SGF29: variants seen among roughly 807,000 people sequenced by gnomAD.
SGF29 encodes the protein SAGA-associated factor 29.
In SGF29, 15 loss-of-function variants were observed where a neutral mutation model predicts 38.1. That is an observed-to-expected ratio of 0.39 (90% CI 0.26 to 0.61). The LOEUF is 0.61. Ranked by LOEUF, SGF29 falls within the 20% of genes least tolerant of loss-of-function variation. SGF29 has a pLI of 0.49. For synonymous variants in SGF29, 151 were observed against 160.8 expected (o/e 0.94, Z 0.46); for missense variants, 184 against 394.6 (o/e 0.47, Z 4.52).
At chr16:28,570,795 C>G (rs2046860603) in intron 1 of SGF29, among the ~76,000 whole-genome samples, 1 of 151,882 alleles carries the variant, frequency 6.6e-6, no homozygotes, top group Non-Finnish European at 1.5e-5. Context: ...CCAGGCTGGT[C>G]TTGAACTCCT....
chr16:28,587,646 CCCAGTT>C (rs1018515489), intron 4 of SGF29, among the ~76,000 whole-genome samples: 1 of 152,224 alleles, frequency 6.6e-6, no homozygotes, highest in Non-Finnish European at 1.5e-5. Context: ...CTGCATCACA[CCCAGTT>C]CCTGTGCATC....
At chr16:28,564,687 GTATATATATGTA>G (rs2046819494) in intron 1 of SGF29, among the ~76,000 whole-genome samples, 2 of 47,090 alleles carry the variant, frequency 4.2e-5, no homozygotes, top group Non-Finnish European at 1.1e-4. Context: ...ATATATATGT[GTATATATATGTA>G]TATATATACA....
intron 1 of SGF29, among the ~76,000 whole-genome samples, chr16:28,554,706 TAG>T (rs2046736762): frequency 1.3e-5 from 2 of 152,136 alleles, no homozygotes; most frequent in South Asian, 4.1e-4. Flanking sequence ...CCAAAGGCCT[TAG>T]TCTACCCTCA....
chr16:28,585,100 A>G (rs1174934301), intron 3 of SGF29, 112 bp downstream of exon 3: 1 of 772,502 alleles, frequency 1.3e-6, no homozygotes, highest in African/African-American at 1.7e-5. Context: ...ATGTATCTGC[A>G]TATTCCAAAA....
rs538300554 is a variant in SGF29, at chr16:28,587,869, G to A, written c.225-1231G>A. Among the ~76,000 whole-genome samples, 4 of 152,134 alleles carry A rather than the reference G, an allele frequency of 2.6e-5. No homozygotes were observed. The South Asian group carries it at 8.3e-4, about 32-fold the overall frequency. On this transcript the variant is annotated intron_variant, in intron 4 of 9. Transcript: ENST00000317058. ...GGCTGGAGTGCAGTGACACAATCTC[G>A]GCTCACTGCAAGCTCTGCCCCCAAG... is the stretch of plus-strand genomic sequence containing the variant.
intron 4 of SGF29, among the ~76,000 whole-genome samples, 153 bp from the exon 5 acceptor site, chr16:28,588,947 G>A (rs935521164): frequency 6.6e-6 from 1 of 152,170 alleles, no homozygotes; most frequent in Non-Finnish European, 1.5e-5. Flanking sequence ...GCACACACCT[G>A]TCATTCCACC....
intron 1 of SGF29, among the ~76,000 whole-genome samples, chr16:28,565,637 A>C (rs918773270): frequency 2.6e-5 from 4 of 152,026 alleles, no homozygotes; most frequent in African/African-American, 9.7e-5. Context: ...AGCTGGGACT[A>C]CAGGCACCCG....
In SGF29 at chr16:28,576,738, C is replaced by G. The variant is rs370130302; in HGVS notation, c.-15-4317C>G. On this transcript the variant is annotated intron_variant, in intron 1 of 9. Transcript: ENST00000317058. The stretch of plus-strand genomic sequence containing the variant: ...AAAGAAAACGTGCCCACACAAAAAC[C>G]TGTACACAACGCTCATAGCAGCATT... Among the ~76,000 whole-genome samples, 1,019 of 152,246 alleles carry G rather than the reference C, an allele frequency of 6.7e-3. 114 individuals are homozygous for G. The South Asian group carries it at 0.2, about 30-fold the overall frequency.
intron 1 of SGF29, among the ~76,000 whole-genome samples, chr16:28,556,070 A>C (rs2046748923): frequency 6.6e-6 from 1 of 152,214 alleles, no homozygotes; most frequent in Admixed American, 6.5e-5. Context: ...TGTAAGGTTT[A>C]AATGAGAAAC....
In SGF29 at chr16:28,585,580, A is replaced by C. The variant is rs866678157; in HGVS notation, c.152-68A>C. On this transcript the variant is annotated intron_variant, in intron 3 of 9. Transcript: ENST00000317058. ...GCCTCCACGAGTGTGATTCCGGTGC[A>C]TGGAAGCAGTGCCATGCTACTGTGC... is the stretch of plus-strand genomic sequence containing the variant. 16 of 1,347,946 alleles carry C rather than the reference A, an allele frequency of 1.2e-5. No homozygotes were observed. The Admixed American group carries it at 2.7e-4, about 23-fold the overall frequency. 83.5% of individuals were successfully genotyped at this position (1,347,946 alleles called of 1,614,324 possible). A position where few individuals can be genotyped will look rare whatever the true frequency, so the allele number is the denominator to read the frequency against.
At chr16:28,583,897 G>A (rs1321960524) in intron 2 of SGF29, among the ~76,000 whole-genome samples, 1 of 152,076 alleles carries the variant, frequency 6.6e-6, no homozygotes, top group Non-Finnish European at 1.5e-5. Context: ...ATTTTAGGAT[G>A]AACTTGTCAA....
chr16:28,590,754 T>A lies in SGF29; in HGVS notation c.603-19T>A, dbSNP rs767355452. The A allele has an allele frequency of 1.9e-6, 3 of 1,613,990 alleles. No individual in the cohort carries two copies. Among genetic ancestry groups the A allele is most frequent in the Middle Eastern group, 1.6e-4 (1 of 6,062 alleles). The stretch of plus-strand genomic sequence containing the variant: ...ATCCCCACCCGGCCACAGGTTGATA[T>A]AAGCCCCTCTTCCCCCAGGAGACAC... On this transcript the variant is annotated intron_variant, in intron 8 of 9. Coordinates refer to ENST00000317058, the MANE Select transcript of SGF29 (RefSeq NM_138414.3). The surrounding 1 kb of genome is among the most constrained non-coding windows in gnomAD (Gnocchi z 8.2).
In SGF29 at chr16:28,581,568, C is replaced by T. The variant is rs12050924; in HGVS notation, c.75+424C>T. On this transcript the variant is annotated intron_variant, in intron 2 of 9. Coordinates refer to ENST00000317058, the MANE Select transcript of SGF29 (RefSeq NM_138414.3). Reference sequence around the variant, plus strand: ...TTTTTTTTTTGGAGACGGAGTCTCACTGTGTCACCTAGGCTGGAGTGCGGT... The same window carrying T: ...TTTTTTTTTTGGAGACGGAGTCTCATTGTGTCACCTAGGCTGGAGTGCGGT... Among the ~76,000 whole-genome samples, 521 of 152,054 alleles carry T rather than the reference C, an allele frequency of 3.4e-3. 16 individuals carry two copies. The East Asian group carries it at 0.056, about 16-fold the overall frequency.
At chr16:28,569,119 G>T (rs1006335845) in intron 1 of SGF29, among the ~76,000 whole-genome samples, 5 of 151,952 alleles carry the variant, frequency 3.3e-5, no homozygotes, top group Non-Finnish European at 5.9e-5. Flanking sequence ...AAGAAAGAAA[G>T]AAATAAAAAT....
chr16:28,575,545 T>C (rs1413157957), intron 1 of SGF29, among the ~76,000 whole-genome samples: 1 of 152,012 alleles, frequency 6.6e-6, no homozygotes, highest in Non-Finnish European at 1.5e-5. Flanking sequence ...TTAGCTGGGC[T>C]TTGTGGTGCG....
chr16:28,585,011 G>C (rs2046948747), intron 3 of SGF29, 23 bp downstream of exon 3: 8 of 1,596,052 alleles, frequency 5.0e-6, no homozygotes, highest in Admixed American at 1.7e-5. Flanking sequence ...GCTCAGGAGA[G>C]AAAGGGGATG....
intron 1 of SGF29, among the ~76,000 whole-genome samples, chr16:28,564,772 TGTATATATATATATACACACACACAC>T (rs2151643858): frequency 2.4e-5 from 1 of 41,062 alleles, no homozygotes; most frequent in African/African-American, 8.9e-5. Flanking sequence ...TGTATATATA[TGTATATATATATATACACACACACAC>T]ACACACACAA....
At chr16:28,591,001 G>A (rs1179857292) in intron 9 of SGF29, 66 bp downstream of exon 9, 3 of 1,495,830 alleles carry the variant, frequency 2.0e-6, no homozygotes, top group African/African-American at 1.4e-5. Flanking sequence ...ACAGACGAGG[G>A]GTCCTCTCCC....
chr16:28,589,874 C>T (rs1411934412), intron 5 of SGF29, among the ~76,000 whole-genome samples: 2 of 152,184 alleles, frequency 1.3e-5, no homozygotes, highest in East Asian at 3.9e-4. Flanking sequence ...GGTTCCTCCC[C>T]CTGGATCCCC....
Sources: gnomAD v4.1 joint callset for allele counts (sites outside exome capture counted in the v4.1 genomes callset) on GRCh38, gnomAD v4.1.1 for gene constraint, Gnocchi (gnomAD v3.1) non-coding constraint, MANE v1.5 for transcripts, NCBI Gene and HGNC (gene_info 2026-07-23, HGNC 2026-07-21) for gene names.